DNMBP: variants seen among roughly 807,000 people sequenced by gnomAD.
DNMBP encodes the protein dynamin-binding protein.
In DNMBP, 87 loss-of-function variants were observed where a neutral mutation model predicts 150.0. That is an observed-to-expected ratio of 0.58 (90% CI 0.49 to 0.69). The LOEUF is 0.69. Among genes scored for constraint, DNMBP ranks in the 30% least tolerant of loss-of-function variants. The pLI, the probability that DNMBP is intolerant of heterozygous loss-of-function variation, is 0.00. For synonymous variants in DNMBP, 711 were observed against 750.4 expected (o/e 0.95, Z 0.86); for missense variants, 1,774 against 1,949.0 (o/e 0.91, Z 1.69).
At chr10:99,938,600 C>T (rs959301565) in intron 4 of DNMBP, among the ~76,000 whole-genome samples, 1 of 152,036 alleles carries the variant, frequency 6.6e-6, no homozygotes, top group East Asian at 1.9e-4. Flanking sequence ...CAGTTGGTTA[C>T]AAAAGGGGGC....
intron 4 of DNMBP, among the ~76,000 whole-genome samples, chr10:99,910,161 A>T (rs1399403485): frequency 1.3e-5 from 2 of 152,250 alleles, no homozygotes; most frequent in Non-Finnish European, 2.9e-5. Context: ...AAGCAAAAAC[A>T]CAAGTGTTCA....
intron 3 of DNMBP, among the ~76,000 whole-genome samples, chr10:99,960,997 A>AG (rs1157598275): frequency 2.0e-5 from 3 of 151,828 alleles, no homozygotes; most frequent in Non-Finnish European, 4.4e-5. Flanking sequence ...AATAAAATAA[A>AG]TAAATAAGAA....
At chr10:99,966,199 T>C (rs891389142) in intron 3 of DNMBP, among the ~76,000 whole-genome samples, 4 of 151,970 alleles carry the variant, frequency 2.6e-5, no homozygotes, top group Admixed American at 2.6e-4. Context: ...GTGAAAGGCA[T>C]AGAAGGAAAG....
At chr10:99,919,995 A>G (rs970895838) in intron 4 of DNMBP, among the ~76,000 whole-genome samples, 4 of 152,226 alleles carry the variant, frequency 2.6e-5, no homozygotes, top group Non-Finnish European at 4.4e-5. Flanking sequence ...GACAAAATAG[A>G]ATAAACTTAG....
intron 2 of DNMBP, among the ~76,000 whole-genome samples, chr10:99,971,000 G>GAAAAAAAAAAAAAAAAAAA (rs1554871865): frequency 8.0e-5 from 9 of 112,000 alleles, no homozygotes; most frequent in South Asian, 2.9e-4. Flanking sequence ...AAAAAAAAAG[G>GAAAAAAAAAAAAAAAAAAA]AAAGCAGTAG....
intron 2 of DNMBP, among the ~76,000 whole-genome samples, chr10:99,971,430 T>C (rs539820111): frequency 1.3e-5 from 2 of 152,086 alleles, no homozygotes; most frequent in Middle Eastern, 3.4e-3. Context: ...TCATGAACTC[T>C]TGGCCTCAAG....
chr10:99,993,105 AAATT>A (rs1208424833), intron 1 of DNMBP, among the ~76,000 whole-genome samples: 2 of 152,232 alleles, frequency 1.3e-5, no homozygotes, highest in African/African-American at 2.4e-5. Context: ...GGTTGTAATG[AAATT>A]AATATATGTA....
In DNMBP at chr10:99,955,504, G is replaced by A. The variant is rs115222765; in HGVS notation, c.1970C>T (p.Ala657Val). 2.6e-5 allele frequency: 42 copies of A among 1,597,872 alleles called. No homozygotes were observed. Among genetic ancestry groups the A allele is most frequent in the African/African-American group, 1.6e-4 (12 of 74,312 alleles). Residue 657 changes from alanine to valine, a missense_variant, in exon 4 of 17, where the codon GCG becomes GTG. This residue lies in a region of DNMBP where 1,430 missense variants were observed against 1,492.5 expected (regional missense o/e 0.96). Transcript: ENST00000324109. ...LPPSAQQRTN[A>V]VSPKLLSRHR... ...TCGAGATAGGAGCTTGGGGGATACC[G>A]CATTCGTTCTCTGCTGTGCTGAGGG...
At chr10:99,976,450 C>T (rs1190496317) in intron 1 of DNMBP, among the ~76,000 whole-genome samples, 1 of 152,166 alleles carries the variant, frequency 6.6e-6, no homozygotes, top group African/African-American at 2.4e-5. Flanking sequence ...ATCTTTTAGG[C>T]CTTTCTCTTT....
intron 4 of DNMBP, among the ~76,000 whole-genome samples, chr10:99,954,333 C>T (rs990682975): frequency 5.9e-5 from 9 of 151,992 alleles, no homozygotes; most frequent in East Asian, 3.9e-4. Context: ...CCACCGCACC[C>T]GGCAAGGTTT....
At position 99,971,999 on chromosome 10, in the gene DNMBP, T is replaced by C; in HGVS notation, c.126A>G (p.Gly42=). The change falls in exon 2 of 17, where the codon GGA becomes GGG. Residue 42 remains glycine, a synonymous_variant. Coordinates refer to ENST00000324109, the MANE Select transcript of DNMBP (RefSeq NM_015221.4). ...LAVVDEFWLL[G]KKEDVTGQFP... Reference sequence around the variant, plus strand: ...ACTTACCTGTAACATCCTCCTTCTTTCCTAGAAGCCAAAATTCATCCACCA... The same window carrying C: ...ACTTACCTGTAACATCCTCCTTCTTCCCTAGAAGCCAAAATTCATCCACCA... 7 of 1,613,720 alleles carry C rather than the reference T, an allele frequency of 4.3e-6. No individual in the cohort carries two copies. Among genetic ancestry groups the C allele is most frequent in the Non-Finnish European group, 5.1e-6 (6 of 1,179,924 alleles).
chr10:99,919,345 C>G (rs1049186611), intron 4 of DNMBP, among the ~76,000 whole-genome samples: 2 of 152,208 alleles, frequency 1.3e-5, no homozygotes, highest in Non-Finnish European at 1.5e-5. Context: ...CTATTTTTCT[C>G]TCCTACTCTA....
At chr10:99,942,537 C>T (rs571960064) in intron 4 of DNMBP, among the ~76,000 whole-genome samples, 1 of 152,306 alleles carries the variant, frequency 6.6e-6, no homozygotes, top group Admixed American at 6.5e-5. Flanking sequence ...GAATTATTTT[C>T]CTGTACCATG....
At position 99,971,836 on chromosome 10, in the gene DNMBP, TTTTC is replaced by T. The variant is rs528834177; in HGVS notation, c.145+140_145+143del. The T allele has an allele frequency of 8.4e-4, 736 of 871,418 alleles. 1 individual carries two copies. Among genetic ancestry groups the T allele is most frequent in the African/African-American group, 2.3e-3 (133 of 58,502 alleles). 54.0% of individuals were successfully genotyped at this position (871,418 alleles called of 1,614,324 possible). A position where few individuals can be genotyped will look rare whatever the true frequency, so the allele number is the denominator to read the frequency against. Reference sequence around the variant, plus strand: ...AGCCACTGTGCCCAGCTAGGAATAATTTTCTTTCTTTCTTTCTTTCTTTCTTTTT... The same window carrying T: ...AGCCACTGTGCCCAGCTAGGAATAATTTTCTTTCTTTCTTTCTTTCTTTTT... On this transcript the variant is annotated intron_variant, in intron 2 of 16. Coordinates refer to ENST00000324109, the MANE Select transcript of DNMBP (RefSeq NM_015221.4).
chr10:99,898,304 A>G lies in DNMBP; in HGVS notation c.2721-19T>C. The stretch of plus-strand genomic sequence containing the variant: ...GCATCCCCTGTAAGAGAAGGAAAAA[A>G]GACTTTAGTAAGCTATCAATAATAT... On this transcript the variant is annotated intron_variant, in intron 8 of 16. Transcript: ENST00000324109. 1 of 1,595,824 alleles carries G rather than the reference A, an allele frequency of 6.3e-7. No homozygotes were observed. The highest frequency in any genetic ancestry group is 1.1e-5 in the South Asian group (1 of 90,598).
At chr10:99,929,317 G>C (rs2040118864) in intron 4 of DNMBP, among the ~76,000 whole-genome samples, 1 of 151,448 alleles carries the variant, frequency 6.6e-6, no homozygotes, top group Admixed American at 6.6e-5. Flanking sequence ...AAGTAAGAAA[G>C]GAAAGATACT....
chr10:99,952,795 T>A lies in DNMBP; in HGVS notation c.2260+2419A>T, dbSNP rs765205595. Among the ~76,000 whole-genome samples the A allele has an allele frequency of 5.3e-5, 8 of 152,332 alleles. No individual in the cohort carries two copies. In the East Asian group the frequency reaches 1.5e-3, roughly 29 times the overall value. On this transcript the variant is annotated intron_variant, in intron 4 of 16. Coordinates refer to ENST00000324109, the MANE Select transcript of DNMBP (RefSeq NM_015221.4). ...ATTGGAATTTTTTTATTCTATTATT[T>A]CCATTCACTTTTATAGACCTAAAGT...
chr10:100,007,385 G>A (rs376287273), intron 1 of DNMBP, among the ~76,000 whole-genome samples: 7 of 151,944 alleles, frequency 4.6e-5, no homozygotes, highest in Non-Finnish European at 8.8e-5. Context: ...GTGCTACCAC[G>A]ACCCCGGCAC....
intron 3 of DNMBP, among the ~76,000 whole-genome samples, chr10:99,968,548 C>T (rs558497314): frequency 1.6e-4 from 25 of 151,978 alleles, no homozygotes; most frequent in African/African-American, 5.5e-4. Flanking sequence ...ATTAGCCCAG[C>T]GTGGTAGCAC....
Sources: gnomAD v4.1 joint callset for allele counts (sites outside exome capture counted in the v4.1 genomes callset) on GRCh38, gnomAD v4.1.1 for gene constraint, gnomAD v4.1.1 regional missense constraint, MANE v1.5 for transcripts, NCBI Gene and HGNC (gene_info 2026-07-23, HGNC 2026-07-21) for gene names.